The following RNF14 variants were observed in gnomAD, a reference collection of about 807,000 sequenced individuals.
RNF14 encodes the protein ring finger protein 14, also known as E3 ubiquitin-protein ligase RNF14.
RNF14 carries 26 observed loss-of-function variants against 52.6 expected under a neutral mutation model. The ratio of observed to expected loss-of-function variants is 0.49; its 90% CI spans 0.36 to 0.69. The LOEUF (loss-of-function observed/expected upper bound fraction) is 0.69. Ranked by LOEUF, RNF14 falls within the 30% of genes least tolerant of loss-of-function variation. RNF14 has a pLI of 0.00. For missense variants in RNF14, 404 were observed against 560.4 expected (o/e 0.72, Z 2.82); for synonymous variants, 194 against 202.0 (o/e 0.96, Z 0.34).
chr5:141,957,786 C>T, upstream of RNF14: 2 of 1,607,768 alleles, frequency 1.2e-6, no homozygotes, highest in Non-Finnish European at 1.7e-6. The surrounding 1 kb of genome is among the most constrained non-coding windows in gnomAD (Gnocchi z 4.3). Context: ...CCTGACAATC[C>T]CCTAAAAGAA....
At chr5:141,949,684 T>C in the RNF14 span, 1 of 1,406,600 alleles carries the variant, frequency 7.1e-7, no homozygotes, top group Non-Finnish European at 9.6e-7. Flanking sequence ...TATAGGGAAC[T>C]GGATACACAG....
upstream of RNF14, among the ~76,000 whole-genome samples, chr5:141,962,344 G>A (rs1753281275): frequency 6.6e-6 from 1 of 152,196 alleles, no homozygotes; most frequent in Non-Finnish European, 1.5e-5. Flanking sequence ...TCTCAAAAGG[G>A]TCCAGATATC....
upstream of RNF14, chr5:141,956,568 G>C: frequency 1.2e-6 from 2 of 1,614,230 alleles, no homozygotes; most frequent in Non-Finnish European, 1.7e-6. Context: ...CTAACAGAGT[G>C]AGGGTATATT....
At chr5:141,955,176 TC>T, upstream of RNF14, 2 of 1,614,176 alleles carry the variant, frequency 1.2e-6, no homozygotes, top group Non-Finnish European at 1.7e-6. This position sits in a 1 kb window ranked among gnomAD's most constrained non-coding sequence, Gnocchi z 5.5. Context: ...TGCCCTGGTC[TC>T]CAGCCAGCCT....
chr5:141,969,613 T>C (rs183191877), intron 1 of RNF14: 1 of 152,392 alleles, frequency 6.6e-6, no homozygotes, highest in Non-Finnish European at 1.5e-5. Context: ...GCAACCTGAA[T>C]TGAGGTACTG....
the RNF14 span, chr5:141,951,712 G>T: frequency 1.3e-6 from 1 of 758,276 alleles, no homozygotes; most frequent in Non-Finnish European, 2.3e-6. Context: ...TCAGATGTTT[G>T]TGTGATCAGA....
chr5:141,984,338 C>T (rs893200149), intron 7 of RNF14, among the ~76,000 whole-genome samples: 10 of 151,960 alleles, frequency 6.6e-5, no homozygotes, highest in Admixed American at 6.6e-4. Flanking sequence ...CCTCAAATGA[C>T]TCGCCCACCT....
chr5:141,978,560 G>A lies in RNF14; in HGVS notation c.564G>A (p.Val188=), dbSNP rs777764504. The A allele has an allele frequency of 1.2e-6, 2 of 1,614,148 alleles. No homozygotes were observed. The highest frequency in any genetic ancestry group is 1.7e-6 in the Non-Finnish European group (2 of 1,179,992). The change falls in exon 5 of 9, where the codon GTG becomes GTA. Residue 188 remains valine (V), a synonymous_variant. Transcript: ENST00000394520. ...DQEEIVDERA[V]QDVESLSNLI... The stretch of plus-strand genomic sequence containing the variant: ...AGGAAATTGTGGATGAGAGAGCAGT[G>A]CAGGATGTGGAATCACTGTCAAATC...
rs541525688 is a variant in RNF14, at chr5:141,969,966, T to C, written c.-180-738T>C. Reference sequence around the variant, plus strand: ...CACCATATACTCCCACCTAGTAAAATAAGACAATGTGAAAGGACCTAATAC... The same window carrying C: ...CACCATATACTCCCACCTAGTAAAACAAGACAATGTGAAAGGACCTAATAC... On this transcript the variant is annotated intron_variant, in intron 1 of 8. Transcript: ENST00000394520. Among the ~76,000 whole-genome samples the C allele has an allele frequency of 1.2e-4, 19 of 152,320 alleles. No individual in the cohort carries two copies. The East Asian group carries it at 3.7e-3, about 29-fold the overall frequency.
rs1755399032 is a variant in RNF14 at position 141,988,121 on chromosome 5, A to G, written c.*331A>G. 4.1e-6 allele frequency: 1 copy of G among 244,476 alleles called. No individual in the cohort carries two copies. Among genetic ancestry groups the G allele is most frequent in the Non-Finnish European group, 8.0e-6 (1 of 124,448 alleles). 15.1% of individuals were successfully genotyped at this position (244,476 alleles called of 1,614,324 possible). The stretch of plus-strand genomic sequence containing the variant: ...CTTTAGGTAAGGAGAAGAGGGGTCA[A>G]GAGTTAAACTTAGAGACCCTTTGTC... On this transcript the variant is annotated 3_prime_UTR_variant, in exon 9 of 9. Coordinates refer to ENST00000394520, the MANE Select transcript of RNF14 (RefSeq NM_004290.5).
At chr5:141,969,434 A>G (rs956460365) in intron 1 of RNF14, 3 of 152,312 alleles carry the variant, frequency 2.0e-5, no homozygotes, top group African/African-American at 7.2e-5. Context: ...AGCAGCTCAC[A>G]CATCCGCATT....
chr5:141,975,171 T>C (rs1754134643), intron 4 of RNF14, among the ~76,000 whole-genome samples: 1 of 152,206 alleles, frequency 6.6e-6, no homozygotes, highest in Non-Finnish European at 1.5e-5. Flanking sequence ...CAATCATGAA[T>C]TGTAGTAGGA....
chr5:141,951,687 G>T, the RNF14 span: 1 of 879,426 alleles, frequency 1.1e-6, no homozygotes. Context: ...TCTTTTTATA[G>T]TCTTTCCTCT....
upstream of RNF14, chr5:141,957,638 G>C (rs1376047096): frequency 6.2e-7 from 1 of 1,614,184 alleles, no homozygotes; most frequent in Non-Finnish European, 8.5e-7. This position sits in a 1 kb window ranked among gnomAD's most constrained non-coding sequence, Gnocchi z 4.3. Context: ...AGCGCCTGAG[G>C]CAGCTGCAAC....
chr5:141,954,476 C>G (rs915353858), upstream of RNF14, among the ~76,000 whole-genome samples: 2 of 152,224 alleles, frequency 1.3e-5, no homozygotes, highest in Non-Finnish European at 2.9e-5. Flanking sequence ...AGCATTCACT[C>G]ATTTTATTTT....
At chr5:141,957,665 C>T, upstream of RNF14, 1 of 1,614,188 alleles carries the variant, frequency 6.2e-7, no homozygotes, top group Non-Finnish European at 8.5e-7. This position sits in a 1 kb window ranked among gnomAD's most constrained non-coding sequence, Gnocchi z 4.3. Flanking sequence ...AAGGCAGCCC[C>T]AGCTTGCCTC....
At chr5:141,975,107 TG>T in intron 4 of RNF14, 152 bp downstream of exon 4, 2 of 752,680 alleles carry the variant, frequency 2.7e-6, no homozygotes, top group Non-Finnish European at 4.3e-6. Context: ...TGAATCCTGA[TG>T]TTAAGAAATT....
chr5:141,985,973 A>T (rs1160949787), intron 8 of RNF14, among the ~76,000 whole-genome samples: 1 of 152,236 alleles, frequency 6.6e-6, no homozygotes, highest in Admixed American at 6.5e-5. Flanking sequence ...ACTGGAAGTT[A>T]GGTCTAGACT....
At chr5:141,951,398 A>T in the RNF14 span, 1 of 921,028 alleles carries the variant, frequency 1.1e-6, no homozygotes, top group Non-Finnish European at 1.8e-6. Flanking sequence ...CCGGTGTCTG[A>T]CTTGTGCTCA....
Sources: allele counts gnomAD v4.1 joint callset (sites outside exome capture counted in the v4.1 genomes callset), GRCh38; gene constraint gnomAD v4.1.1; non-coding constraint Gnocchi (gnomAD v3.1); transcripts MANE v1.5; gene names NCBI Gene and HGNC (gene_info 2026-07-23, HGNC 2026-07-21).